The following MMP26 variants were observed in gnomAD, a reference collection of about 807,000 sequenced individuals.
MMP26 encodes the protein matrix metallopeptidase 26, also known as matrix metalloproteinase-26.
Under a neutral mutation model 31.0 loss-of-function variants are expected in MMP26, and 33 were observed. The ratio of observed to expected loss-of-function variants is 1.06; its 90% CI spans 0.81 to 1.42. The LOEUF (loss-of-function observed/expected upper bound fraction) is 1.42. MMP26 is among the 40% of genes most tolerant of loss of function. The probability of loss-of-function intolerance (pLI) is 0.00; values close to 1 mark genes in which losing one functional copy is unlikely to be tolerated. For synonymous variants in MMP26, 122 were observed against 114.9 expected (o/e 1.06, Z -0.40); for missense variants, 347 against 316.1 (o/e 1.10, Z -0.74).
intron 2 of MMP26, among the ~76,000 whole-genome samples, chr11:4,941,350 A>G (rs1189837462): frequency 5.9e-5 from 9 of 152,188 alleles, no homozygotes; most frequent in African/African-American, 2.2e-4. Flanking sequence ...ATCTAATTAG[A>G]TATGTGGAAA....
rs1053911560 is a variant in MMP26, at chr11:4,821,932, T to G, written c.-145+54591T>G. 2.5e-6 allele frequency: 4 copies of G among 1,613,954 alleles called. No individual in the cohort carries two copies. The Admixed American group carries it at 6.7e-5, about 27-fold the overall frequency. ...GCTCTTTGTCAAGAGGTTGTCCTTC[T>G]GCAGTTCTATGGTCCTTTCACATTC... On this transcript the variant is annotated intron_variant, in intron 2 of 7. Transcript: ENST00000380390.
intron 1 of MMP26, chr11:4,719,594 A>G (rs1847984038): frequency 6.6e-6 from 1 of 152,336 alleles, no homozygotes; most frequent in African/African-American, 2.4e-5. Flanking sequence ...AGTCTTTGTC[A>G]TTTTATAGAT....
chr11:4,859,177 C>G (rs1850105194), intron 2 of MMP26, among the ~76,000 whole-genome samples: 1 of 152,156 alleles, frequency 6.6e-6, no homozygotes, highest in Non-Finnish European at 1.5e-5. Context: ...GACTTCATAA[C>G]TAAAACACCA....
chr11:4,725,190 C>G (rs1053963449), intron 1 of MMP26, among the ~76,000 whole-genome samples: 3 of 152,144 alleles, frequency 2.0e-5, no homozygotes, highest in Admixed American at 6.5e-5. Context: ...GTAGAACCTG[C>G]AGAACCATGA....
chr11:4,935,616 G>A lies in MMP26; in HGVS notation c.-144-52452G>A, dbSNP rs1316703217. Reference sequence around the variant, plus strand: ...TTGCCAGAACTTCCAACACTATGTTGAATAGGAGTGGTGAGAGAGGGCATC... The same window carrying A: ...TTGCCAGAACTTCCAACACTATGTTAAATAGGAGTGGTGAGAGAGGGCATC... On this transcript the variant is annotated intron_variant, in intron 2 of 7. Transcript: ENST00000380390. Among the ~76,000 whole-genome samples, 7 of 152,048 alleles carry A rather than the reference G, an allele frequency of 4.6e-5. 1 individual carries two copies. Among genetic ancestry groups the A allele is most frequent in the Admixed American group, 6.5e-5 (1 of 15,278 alleles).
At chr11:4,868,237 G>A (rs1850263172) in intron 2 of MMP26, among the ~76,000 whole-genome samples, 1 of 152,088 alleles carries the variant, frequency 6.6e-6, no homozygotes, top group Non-Finnish European at 1.5e-5. Flanking sequence ...ACACTCAGGT[G>A]TGCTGGAGGG....
At position 4,717,040 on chromosome 11, in the gene MMP26, C is replaced by T. The variant is rs187796595; in HGVS notation, c.-217+11995C>T. ...GGCATTTCTAAAATATCTGAAACCC[C>T]ATTGCCTTTGAATATGCTTAGAATT... On this transcript the variant is annotated intron_variant, in intron 1 of 7. Transcript: ENST00000380390. Among the ~76,000 whole-genome samples the T allele has an allele frequency of 7.0e-4, 106 of 152,262 alleles. 2 individuals are homozygous for T. The highest frequency in any genetic ancestry group is 2.0e-3 in the African/African-American group (85 of 41,546).
At chr11:4,747,531 G>T (rs1848396879) in intron 1 of MMP26, among the ~76,000 whole-genome samples, 1 of 152,128 alleles carries the variant, frequency 6.6e-6, no homozygotes, top group Admixed American at 6.5e-5. Flanking sequence ...GGGGAATATA[G>T]CAAGGTAGAT....
intron 2 of MMP26, chr11:4,924,230 T>C: frequency 6.2e-7 from 1 of 1,613,964 alleles, no homozygotes; most frequent in Non-Finnish European, 8.5e-7. Context: ...AACTGTCAGG[T>C]AGATGAAGCA....
intron 2 of MMP26, among the ~76,000 whole-genome samples, chr11:4,776,691 T>C (rs973877961): frequency 2.0e-5 from 3 of 152,166 alleles, no homozygotes; most frequent in African/African-American, 4.8e-5. Flanking sequence ...ATTCTCATGA[T>C]ATCTGGTTGT....
rs140576841 is a variant in MMP26, at chr11:4,861,674, A to G, written c.-145+94333A>G. Among the ~76,000 whole-genome samples the G allele has an allele frequency of 5.2e-3, 794 of 152,230 alleles. 13 individuals carry two copies. Among genetic ancestry groups the G allele is most frequent in the African/African-American group, 0.018 (750 of 41,542 alleles). ...TTTAAGGTAGGTAGAAGAAGATAAA[A>G]GTTATTGGCTCATAAACAACCACAC... On this transcript the variant is annotated intron_variant, in intron 2 of 7. Transcript: ENST00000380390.
At chr11:4,722,869 C>T in intron 1 of MMP26, 1 of 812,214 alleles carries the variant, frequency 1.2e-6, no homozygotes, top group Non-Finnish European at 2.2e-6. Flanking sequence ...AGCTGGAGCC[C>T]AGGCCATAGC....
At chr11:4,960,089 T>G (rs1374556191) in intron 2 of MMP26, among the ~76,000 whole-genome samples, 1 of 143,238 alleles carries the variant, frequency 7.0e-6, no homozygotes, top group Non-Finnish European at 1.5e-5. Flanking sequence ...AAGTTGGCTA[T>G]TAGCAATTTA....
At chr11:4,923,326 C>A (rs1262482324) in intron 2 of MMP26, 1 of 1,511,962 alleles carries the variant, frequency 6.6e-7, no homozygotes, top group Non-Finnish European at 8.8e-7. Context: ...TGAAAACAAA[C>A]AGAAACCTGT....
At chr11:4,740,002 A>G (rs1224925235) in intron 1 of MMP26, among the ~76,000 whole-genome samples, 1 of 152,232 alleles carries the variant, frequency 6.6e-6, no homozygotes, top group Non-Finnish European at 1.5e-5. Flanking sequence ...GGTCTCATAT[A>G]GAAAATTTCA....
chr11:4,887,504 G>A (rs1247457829), intron 2 of MMP26, among the ~76,000 whole-genome samples: 8 of 152,094 alleles, frequency 5.3e-5, no homozygotes, highest in Non-Finnish European at 1.5e-5. Flanking sequence ...TTTCTTTCAT[G>A]AAAATATGTT....
chr11:4,859,642 T>G (rs1441901926), intron 2 of MMP26: 1 of 459,166 alleles, frequency 2.2e-6, no homozygotes. Flanking sequence ...CTGGAACACT[T>G]GAAAGATCAT....
intron 2 of MMP26, among the ~76,000 whole-genome samples, chr11:4,878,449 CAG>C (rs1177400613): frequency 6.6e-6 from 1 of 151,904 alleles, no homozygotes; most frequent in Non-Finnish European, 1.5e-5. Flanking sequence ...ATAGCATGTG[CAG>C]AGTTTGAGAA....
At chr11:4,794,633 G>A (rs1265429134) in intron 2 of MMP26, among the ~76,000 whole-genome samples, 1 of 152,108 alleles carries the variant, frequency 6.6e-6, no homozygotes, top group Admixed American at 6.6e-5. Flanking sequence ...CTATGACCCA[G>A]GCGGTTAGGC....
Sources: allele counts gnomAD v4.1 joint callset (sites outside exome capture counted in the v4.1 genomes callset), GRCh38; gene constraint gnomAD v4.1.1; transcripts MANE v1.5; gene names NCBI Gene and HGNC (gene_info 2026-07-23, HGNC 2026-07-21).